SDK1: variants seen among roughly 807,000 people sequenced by gnomAD.
The protein encoded by SDK1 is protein sidekick-1.
A neutral mutation model predicts 245.5 loss-of-function variants in SDK1; 157 were observed. The ratio of observed to expected loss-of-function variants is 0.64; its 90% CI spans 0.56 to 0.73. SDK1 has a LOEUF of 0.73. Among genes scored for constraint, SDK1 ranks in the 30% least tolerant of loss-of-function variants. SDK1 has a pLI of 0.00. For synonymous variants in SDK1, 1,647 were observed against 1,278.5 expected, an observed-to-expected ratio of 1.29 and a Z score of -6.15; for missense variants, 3,583 against 3,002.3, an observed-to-expected ratio of 1.19 and a Z score of -4.52.
intron 4 of SDK1, among the ~76,000 whole-genome samples, chr7:3,694,581 G>GC (rs1037996174): frequency 4.6e-5 from 7 of 151,650 alleles, no homozygotes; most frequent in African/African-American, 1.7e-4. Context: ...TGTTGGTGGG[G>GC]GGGGAAAAGC....
At chr7:4,142,554 C>T (rs1779652497) in intron 28 of SDK1, among the ~76,000 whole-genome samples, 1 of 152,268 alleles carries the variant, frequency 6.6e-6, no homozygotes, top group East Asian at 1.9e-4. Flanking sequence ...GCCTCGAACT[C>T]CTGACCTTGT....
At chr7:3,805,221 A>G (rs901057321) in intron 4 of SDK1, among the ~76,000 whole-genome samples, 3 of 152,158 alleles carry the variant, frequency 2.0e-5, no homozygotes, top group Non-Finnish European at 2.9e-5. Context: ...TGTATCTTGT[A>G]TTCTGAAACC....
intron 13 of SDK1, among the ~76,000 whole-genome samples, chr7:3,979,390 C>T (rs1198598686): frequency 1.3e-5 from 2 of 152,178 alleles, no homozygotes; most frequent in African/African-American, 4.8e-5. Context: ...TAGCCCTTTA[C>T]CCTGCATTAT....
At chr7:4,197,230 G>A (rs1431975912) in intron 35 of SDK1, among the ~76,000 whole-genome samples, 5 of 152,064 alleles carry the variant, frequency 3.3e-5, no homozygotes, top group East Asian at 1.9e-4. Context: ...TTGGGAGGCC[G>A]AGGTGGGAGG....
intron 1 of SDK1, among the ~76,000 whole-genome samples, chr7:3,328,924 A>G (rs1419101989): frequency 6.6e-6 from 1 of 152,100 alleles, no homozygotes; most frequent in Non-Finnish European, 1.5e-5. Flanking sequence ...TTTCTAAGAA[A>G]ATCAAAAGGT....
intron 1 of SDK1, among the ~76,000 whole-genome samples, chr7:3,440,640 A>G (rs1780168224): frequency 6.6e-6 from 1 of 152,170 alleles, no homozygotes; most frequent in Non-Finnish European, 1.5e-5. Flanking sequence ...GAGAGAAGAT[A>G]GAAAGTGCTT....
At chr7:3,347,071 A>G (rs1315702658) in intron 1 of SDK1, among the ~76,000 whole-genome samples, 1 of 151,262 alleles carries the variant, frequency 6.6e-6, no homozygotes, top group Non-Finnish European at 1.5e-5. Flanking sequence ...TGTTCCCTGA[A>G]AGACTTTGCA....
At chr7:4,256,556 TG>T (rs1471629262) in intron 44 of SDK1, among the ~76,000 whole-genome samples, 7 of 152,310 alleles carry the variant, frequency 4.6e-5, no homozygotes, top group Admixed American at 3.3e-4. Flanking sequence ...ATCAAAAAAG[TG>T]GCTTGGATTT....
chr7:4,013,366 G>A (rs192976829), intron 16 of SDK1, among the ~76,000 whole-genome samples: 3 of 152,340 alleles, frequency 2.0e-5, no homozygotes, highest in Admixed American at 2.0e-4. Context: ...TCTTCTAATA[G>A]ATTGCACCAC....
At chr7:3,350,241 A>G (rs945111861) in intron 1 of SDK1, among the ~76,000 whole-genome samples, 3 of 152,188 alleles carry the variant, frequency 2.0e-5, no homozygotes, top group Non-Finnish European at 4.4e-5. Flanking sequence ...AGAAGTTGTC[A>G]CTTAACAATG....
At chr7:3,443,797 A>G (rs73293171) in intron 1 of SDK1, among the ~76,000 whole-genome samples, 3,424 of 152,256 alleles carry the variant, frequency 0.022, 138 homozygotes, top group African/African-American at 0.079. Context: ...ATTCTTTCTT[A>G]TAAATGTATT....
At chr7:3,499,420 T>G (rs1782126171) in intron 1 of SDK1, among the ~76,000 whole-genome samples, 1 of 152,182 alleles carries the variant, frequency 6.6e-6, no homozygotes, top group East Asian at 1.9e-4. Flanking sequence ...AAATGTGTAG[T>G]ATGGTGTAAA....
chr7:4,019,602 A>G (rs1245967221), intron 17 of SDK1, among the ~76,000 whole-genome samples: 1 of 151,742 alleles, frequency 6.6e-6, no homozygotes, highest in Non-Finnish European at 1.5e-5. Flanking sequence ...TTCATCATCT[A>G]TACTTAAAAA....
chr7:4,081,172 C>G (rs911099409), intron 22 of SDK1, among the ~76,000 whole-genome samples: 2 of 152,154 alleles, frequency 1.3e-5, no homozygotes, highest in East Asian at 1.9e-4. Flanking sequence ...GACAGAAACG[C>G]CAGCGTCTTC....
In SDK1 at chr7:4,210,132, G is replaced by T; in HGVS notation, c.5509G>T (p.Val1837Leu). The T allele has an allele frequency of 6.2e-7, 1 of 1,603,006 alleles. No homozygotes were observed. The highest frequency in any genetic ancestry group is 8.5e-7 in the Non-Finnish European group (1 of 1,175,690). The change falls in exon 38 of 45, where the codon GTG becomes TTG. Residue 1837 changes from valine (V) to leucine (L), a missense_variant. Physicochemically the swap from Val to Leu is conservative, Grantham distance 32. Transcript: ENST00000404826. ...AANGILQGYR[V>L]VYEPLAPVQG... ...CAACGGCATCCTGCAGGGCTATCGG[G>T]TGGTGTACGAGCCCTTGGCCCCTGT... is the stretch of plus-strand genomic sequence containing the variant.
intron 1 of SDK1, among the ~76,000 whole-genome samples, chr7:3,614,416 C>T (rs1781702822): frequency 6.6e-6 from 1 of 152,112 alleles, no homozygotes; most frequent in African/African-American, 2.4e-5. Flanking sequence ...ACACACACAC[C>T]CTTCAAAGAT....
intron 1 of SDK1, among the ~76,000 whole-genome samples, chr7:3,404,391 C>CT (rs1044163421): frequency 1.3e-5 from 2 of 152,090 alleles, no homozygotes; most frequent in Non-Finnish European, 2.9e-5. Flanking sequence ...TAATTTACCT[C>CT]TTTTTTGTAT....
intron 1 of SDK1, 129 bp downstream of exon 1, chr7:3,302,013 T>C: frequency 1.5e-6 from 1 of 674,060 alleles, no homozygotes. Flanking sequence ...TGCTGGGGGC[T>C]CTAGGGAGCC....
At chr7:3,864,087 G>C (rs759680513) in intron 5 of SDK1, among the ~76,000 whole-genome samples, 53 of 151,986 alleles carry the variant, frequency 3.5e-4, no homozygotes, top group Non-Finnish European at 6.6e-4. Context: ...ATCCTTGCCA[G>C]CACTTAATTT....
Sources: allele counts gnomAD v4.1 joint callset (sites outside exome capture counted in the v4.1 genomes callset), GRCh38; gene constraint gnomAD v4.1.1; transcripts MANE v1.5; gene names NCBI Gene and HGNC (gene_info 2026-07-23, HGNC 2026-07-21).